The following SLIT2 variants were observed in gnomAD, a reference collection of about 807,000 sequenced individuals.
The protein encoded by SLIT2 is slit guidance ligand 2, also known as slit homolog 2 protein.
In SLIT2, 41 loss-of-function variants were observed where a neutral mutation model predicts 185.7. The ratio of observed to expected loss-of-function variants is 0.22; its 90% CI spans 0.17 to 0.29. The LOEUF is 0.29. SLIT2 is among the 10% of genes least tolerant of loss of function. The pLI is 1.00. For missense variants in SLIT2, 1,571 were observed against 1,909.0 expected, an observed-to-expected ratio of 0.82 and a Z score of 3.30; for synonymous variants, 693 against 680.2, an observed-to-expected ratio of 1.02 and a Z score of -0.29.
chr4:20,419,509 G>C (rs1438133971), intron 4 of SLIT2, among the ~76,000 whole-genome samples: 1 of 152,066 alleles, frequency 6.6e-6, no homozygotes, highest in African/African-American at 2.4e-5. Flanking sequence ...AGTGATTTCA[G>C]ATCTGGAATA....
At chr4:20,593,119 A>T (rs915621501) in intron 30 of SLIT2, among the ~76,000 whole-genome samples, 35 of 152,198 alleles carry the variant, frequency 2.3e-4, no homozygotes, top group African/African-American at 8.4e-4. Flanking sequence ...TGGATAATTA[A>T]TACAGACTAA....
chr4:20,569,932 A>G (rs1425784851), intron 29 of SLIT2, among the ~76,000 whole-genome samples: 2 of 152,154 alleles, frequency 1.3e-5, no homozygotes, highest in Non-Finnish European at 2.9e-5. Context: ...CATAACATGA[A>G]AGATGAACAT....
intron 29 of SLIT2, among the ~76,000 whole-genome samples, chr4:20,570,735 A>ATATATATATATATATATATATATG (rs1560204485): frequency 0.01 from 198 of 19,790 alleles, no homozygotes; most frequent in East Asian, 0.056. Context: ...ATATATGTAT[A>ATATATATATATATATATATATATG]TATATATATA....
At chr4:20,442,479 G>A (rs887509711) in intron 4 of SLIT2, among the ~76,000 whole-genome samples, 2 of 144,222 alleles carry the variant, frequency 1.4e-5, no homozygotes, top group Non-Finnish European at 1.5e-5. Flanking sequence ...AGCTGAGATC[G>A]CGCCACTGCG....
rs1400337621 is a variant in SLIT2 at position 20,617,467 on chromosome 4, A to G, written c.4165A>G (p.Asn1389Asp). Residue 1389 changes from asparagine (N) to aspartate (D), a missense_variant, in exon 36 of 37, where the codon AAT becomes GAT. Physicochemically the swap from Asn to Asp is conservative, Grantham distance 23. This residue lies in a region of SLIT2 where 223 missense variants were observed against 245.2 expected (regional missense o/e 0.91). Coordinates refer to ENST00000504154, the MANE Select transcript of SLIT2 (RefSeq NM_004787.4). ...KCVHGTCLPI[N>D]AFSYSCKCLE... ...CGTACATGGCACCTGCTTGCCCATC[A>G]ATGCGTTCTCCTACAGCTGTAAGTG... 6.2e-7 allele frequency: 1 copy of G among 1,613,962 alleles called. No homozygotes were observed. Among genetic ancestry groups the G allele is most frequent in the Non-Finnish European group, 8.5e-7 (1 of 1,180,010 alleles).
chr4:20,519,450 T>C lies in SLIT2; in HGVS notation c.1127T>C (p.Leu376Pro). Residue 376 changes from leucine (L) to proline (P), a missense_variant, in exon 12 of 37, where the codon CTC becomes CCC. Physicochemically the swap from Leu to Pro is moderately conservative, Grantham distance 98. Coordinates refer to ENST00000504154, the MANE Select transcript of SLIT2 (RefSeq NM_004787.4). The stretch of plus-strand genomic sequence containing the variant: ...TTTGAAGGACTGTTTTCCTTACAGC[T>C]CCTGTAAGTATTTGATTGTTTTGGA... The part of the protein sequence containing the change: ...SLFEGLFSLQ[L>P]LLLNANKINC... 6.5e-7 allele frequency: 1 copy of C among 1,548,582 alleles called. No homozygotes were observed. The highest frequency in any genetic ancestry group is 8.9e-7 in the Non-Finnish European group (1 of 1,121,372).
At chr4:20,378,483 T>A (rs1284183213) in intron 4 of SLIT2, among the ~76,000 whole-genome samples, 3 of 152,076 alleles carry the variant, frequency 2.0e-5, no homozygotes, top group African/African-American at 7.2e-5. Flanking sequence ...TTTCAGAAGA[T>A]TTTGAGCTTT....
intron 29 of SLIT2, among the ~76,000 whole-genome samples, chr4:20,583,133 C>T (rs113507648): frequency 0.013 from 2,000 of 152,292 alleles, 42 homozygotes; most frequent in South Asian, 0.076. Flanking sequence ...TAAAGGGGGA[C>T]TACTTTACTT....
At chr4:20,369,514 A>T (rs1484747011) in intron 4 of SLIT2, among the ~76,000 whole-genome samples, 2 of 152,052 alleles carry the variant, frequency 1.3e-5, no homozygotes, top group African/African-American at 4.8e-5. Context: ...GCAAAGTCTA[A>T]AATATTTACT....
chr4:20,467,922 CCT>C, intron 5 of SLIT2, 99 bp downstream of exon 5: 1 of 602,418 alleles, frequency 1.7e-6, no homozygotes, highest in Non-Finnish European at 2.9e-6. Flanking sequence ...TGGTGAAAAC[CCT>C]GTGTATATTT....
At chr4:20,381,290 G>A (rs1411305281) in intron 4 of SLIT2, among the ~76,000 whole-genome samples, 4 of 151,822 alleles carry the variant, frequency 2.6e-5, no homozygotes, top group Non-Finnish European at 4.4e-5. Flanking sequence ...CTGAAAACCA[G>A]TGATGAAGAG....
intron 19 of SLIT2, among the ~76,000 whole-genome samples, 169 bp from the exon 20 acceptor site, chr4:20,541,284 A>C (rs1183440515): frequency 6.6e-6 from 1 of 152,192 alleles, no homozygotes; most frequent in South Asian, 2.1e-4. Context: ...TCAAAAAAAA[A>C]ATGCATCTCA....
chr4:20,278,418 T>C (rs1380576964), intron 4 of SLIT2, among the ~76,000 whole-genome samples: 1 of 152,164 alleles, frequency 6.6e-6, no homozygotes, highest in Non-Finnish European at 1.5e-5. Flanking sequence ...GCACTTTTTA[T>C]GATGTTATAT....
At chr4:20,427,246 A>G (rs1728626487) in intron 4 of SLIT2, among the ~76,000 whole-genome samples, 1 of 152,174 alleles carries the variant, frequency 6.6e-6, no homozygotes, top group Non-Finnish European at 1.5e-5. Flanking sequence ...AAACCATGCT[A>G]CTTCCTTAGA....
intron 30 of SLIT2, among the ~76,000 whole-genome samples, chr4:20,593,891 T>C (rs1727711218): frequency 6.6e-6 from 1 of 151,862 alleles, no homozygotes; most frequent in Non-Finnish European, 1.5e-5. Flanking sequence ...AGCTAAGTTA[T>C]AGTTTTCTCA....
chr4:20,550,910 GT>G lies in SLIT2; in HGVS notation c.2561+15del. On this transcript the variant is annotated intron_variant, in intron 25 of 36. Transcript: ENST00000504154. ...GCATTATCACATCTGTGAGTACCTA[GT>G]TTATGAATATAGGTTTAGGGTCAAA... The G allele has an allele frequency of 6.6e-7, 1 of 1,517,272 alleles. No individual in the cohort carries two copies. Among genetic ancestry groups the G allele is most frequent in the Non-Finnish European group, 9.1e-7 (1 of 1,093,532 alleles). The allele number at this position is 1,517,272 out of a possible 1,614,324, so 94.0% of individuals were successfully genotyped here.
At chr4:20,339,789 A>T (rs941937891) in intron 4 of SLIT2, among the ~76,000 whole-genome samples, 1 of 152,152 alleles carries the variant, frequency 6.6e-6, no homozygotes, top group African/African-American at 2.4e-5. Context: ...ACCCCAAGTC[A>T]TTGAAAGAAA....
At chr4:20,586,807 G>A (rs574720583) in intron 29 of SLIT2, among the ~76,000 whole-genome samples, 26 of 152,140 alleles carry the variant, frequency 1.7e-4, no homozygotes, top group Non-Finnish European at 2.9e-4. Flanking sequence ...GATGAGAAAA[G>A]TGACAACAGA....
intron 11 of SLIT2, among the ~76,000 whole-genome samples, chr4:20,513,819 T>C (rs1719960186): frequency 6.6e-6 from 1 of 151,906 alleles, no homozygotes; most frequent in South Asian, 2.1e-4. Context: ...GTGTAGATAA[T>C]GCAGATATAT....
Sources: gnomAD v4.1 joint callset for allele counts (sites outside exome capture counted in the v4.1 genomes callset) on GRCh38, gnomAD v4.1.1 for gene constraint, gnomAD v4.1.1 regional missense constraint, MANE v1.5 for transcripts, NCBI Gene and HGNC (gene_info 2026-07-23, HGNC 2026-07-21) for gene names.